COQ8B: variants seen among roughly 807,000 people sequenced by gnomAD.
COQ8B encodes atypical kinase COQ8B, mitochondrial.
In COQ8B, 44 loss-of-function variants were observed where a neutral mutation model predicts 62.0. The observed-to-expected ratio is 0.71, with a 90% CI of 0.56 to 0.91. COQ8B has a LOEUF of 0.91. Among genes scored for constraint, COQ8B ranks in the 40% least tolerant of loss-of-function variants. The probability of loss-of-function intolerance (pLI) is 0.00; values close to 1 mark genes in which losing one functional copy is unlikely to be tolerated. For missense variants in COQ8B, 649 were observed against 731.6 expected, an observed-to-expected ratio of 0.89 and a Z score of 1.30; for synonymous variants, 252 against 289.9, an observed-to-expected ratio of 0.87 and a Z score of 1.33.
intron 14 of COQ8B, among the ~76,000 whole-genome samples, chr19:40,692,734 C>T (rs2081983583): frequency 6.6e-6 from 1 of 151,966 alleles, no homozygotes. Flanking sequence ...CCAAAGCCCC[C>T]AGCATGGATA....
intron 4 of COQ8B, among the ~76,000 whole-genome samples, chr19:40,710,499 C>A (rs1314245622): frequency 2.0e-5 from 3 of 152,300 alleles, no homozygotes; most frequent in Non-Finnish European, 4.4e-5. Context: ...ATCCTCCCGC[C>A]TCGGCCTCCC....
intron 4 of COQ8B, among the ~76,000 whole-genome samples, chr19:40,713,639 G>T (rs2082159818): frequency 6.8e-6 from 1 of 148,010 alleles, no homozygotes; most frequent in African/African-American, 2.6e-5. Context: ...TTGCTTGAAT[G>T]TAGGAGGCAG....
Position 40,703,795 on chromosome 19 carries a change from C to A in COQ8B, c.637G>T (p.Val213Leu), listed in dbSNP as rs2082080229. 3 of 1,614,088 alleles carry A rather than the reference C, an allele frequency of 1.9e-6. No individual in the cohort carries two copies. The highest frequency in any genetic ancestry group is 2.5e-6 in the Non-Finnish European group (3 of 1,180,010). The part of the protein sequence containing the change: ...WQAKVASLEE[V>L]PFAAASIGQV... ...CCAATTGAGGCAGCGGCAAAGGGCA[C>A]CTCCTCCAAGGAGGCCACCTTGGCC... Residue 213 changes from valine (V) to leucine (L), a missense_variant, in exon 8 of 15, where the codon GTG (valine) becomes TTG (leucine). By Grantham distance (32) the Val-to-Leu change is conservative. Coordinates refer to ENST00000324464, the MANE Select transcript of COQ8B (RefSeq NM_024876.4).
At chr19:40,700,603 G>T in intron 10 of COQ8B, 152 bp from the exon 11 acceptor site, 1 of 917,402 alleles carries the variant, frequency 1.1e-6, no homozygotes, top group Non-Finnish European at 1.6e-6. Context: ...TGCCCTGGGT[G>T]ATGACCAACA....
chr19:40,715,270 G>A, intron 1 of COQ8B: 1 of 986,094 alleles, frequency 1.0e-6, no homozygotes, highest in Non-Finnish European at 1.2e-6. Context: ...CCATCTGGGG[G>A]GATTGCTGAG....
intron 14 of COQ8B, 93 bp from the exon 15 acceptor site, chr19:40,692,466 C>T: frequency 9.3e-7 from 1 of 1,074,998 alleles, no homozygotes; most frequent in Non-Finnish European, 1.3e-6. Context: ...TCCACTCCCT[C>T]CAGTCTCCAC....
Position 40,699,093 on chromosome 19 carries a change from C to A in COQ8B, c.1143+974G>T, listed in dbSNP as rs147983111. ...CATCCCAAAGTGCTGGAATTACAGG[C>A]ATGAGCCACCATGCTCAGCCTCTGG... On this transcript the variant is annotated intron_variant, in intron 12 of 14. Transcript: ENST00000324464. 4.8e-3 allele frequency among the ~76,000 whole-genome samples: 736 copies of A among 151,796 alleles called. 4 individuals carry two copies. Among genetic ancestry groups the A allele is most frequent in the African/African-American group, 0.017 (715 of 41,412 alleles).
intron 7 of COQ8B, 121 bp from the exon 8 acceptor site, chr19:40,703,976 G>T: frequency 7.7e-7 from 1 of 1,290,442 alleles, no homozygotes; most frequent in Non-Finnish European, 1.0e-6. Context: ...GCTCTTGGCT[G>T]CCACCCCCTT....
intron 5 of COQ8B, among the ~76,000 whole-genome samples, chr19:40,706,725 G>A (rs2082103594): frequency 6.6e-6 from 1 of 152,196 alleles, no homozygotes; most frequent in South Asian, 2.1e-4. Flanking sequence ...TTCCCAAAGT[G>A]TTGGGATTAC....
chr19:40,700,068 T>C lies in COQ8B; in HGVS notation c.1142A>G (p.Gln381Arg). The C allele has an allele frequency of 1.9e-6, 3 of 1,613,964 alleles. No individual in the cohort carries two copies. Among genetic ancestry groups the C allele is most frequent in the Non-Finnish European group, 2.5e-6 (3 of 1,179,796 alleles). Residue 381 changes from glutamine (Q) to arginine (R), a missense_variant and splice_region_variant, in exon 12 of 15, where the codon CAG (glutamine) becomes CGG (arginine). Physicochemically the swap from Gln to Arg is conservative, Grantham distance 43. Coordinates refer to ENST00000324464, the MANE Select transcript of COQ8B (RefSeq NM_024876.4). ...AGACACACATCACTAGGAACCAACC[T>C]GGTGGCTGGAGGCATCATACAGGAA... ...ANFLYDASSH[Q>R]VTLLDFGASR...
rs374651998 is a variant in COQ8B, at chr19:40,715,398, C to T, written c.-3-763G>A. ...TGCAAAGTCTCCCTTACAAACCTGA[C>T]GCCTCTCTTCTGCACGAATATCTTG... On this transcript the variant is annotated intron_variant, in intron 1 of 14. Coordinates refer to ENST00000324464, the MANE Select transcript of COQ8B (RefSeq NM_024876.4). The T allele has an allele frequency of 6.0e-5, 59 of 985,704 alleles. 1 individual carries two copies. Among genetic ancestry groups the T allele is most frequent in the African/African-American group, 5.8e-4 (33 of 57,370 alleles). 61.1% of individuals were successfully genotyped at this position (985,704 alleles called of 1,614,324 possible). A position where few individuals can be genotyped will look rare whatever the true frequency, so the allele number is the denominator to read the frequency against.
rs768321796 is a variant in COQ8B at position 40,693,055 on chromosome 19, A to C, written c.1210-18T>G. The C allele has an allele frequency of 5.6e-6, 9 of 1,610,162 alleles. No individual in the cohort carries two copies. The highest frequency in any genetic ancestry group is 7.6e-6 in the Non-Finnish European group (9 of 1,176,986). ...TTCACCACCTGGGGAGACGGGTGGG[A>C]GTTAGAGGGACAAAGGCCGGGGCTC... On this transcript the variant is annotated intron_variant, in intron 13 of 14. Transcript: ENST00000324464.
Position 40,695,980 on chromosome 19 carries a change from G to C in COQ8B, c.1209+9C>G, listed in dbSNP as rs747900552. The C allele has an allele frequency of 6.2e-7, 1 of 1,614,102 alleles. No homozygotes were observed. Among genetic ancestry groups the C allele is most frequent in the South Asian group, 1.1e-5 (1 of 91,068 alleles). On this transcript the variant is annotated intron_variant, in intron 13 of 14. Coordinates refer to ENST00000324464, the MANE Select transcript of COQ8B (RefSeq NM_024876.4). ...CTTTCAGAGGCCCTGGGGTCTGGGG[G>C]AGACTCACCTCGATGTAATGGTCTG...
intron 10 of COQ8B, 107 bp downstream of exon 10, chr19:40,702,493 G>C: frequency 1.0e-6 from 1 of 985,358 alleles, no homozygotes; most frequent in Non-Finnish European, 1.6e-6. Flanking sequence ...AAGAAAGAGA[G>C]AGTTTGCCCT....
At chr19:40,693,106 G>A in intron 13 of COQ8B, 69 bp from the exon 14 acceptor site, 1 of 1,381,800 alleles carries the variant, frequency 7.2e-7, no homozygotes, top group South Asian at 1.2e-5. Flanking sequence ...AAGAGGAGCT[G>A]GAAGCCTGGG....
chr19:40,696,286 C>G (rs1372761413), intron 12 of COQ8B, among the ~76,000 whole-genome samples: 1 of 151,742 alleles, frequency 6.6e-6, no homozygotes, highest in Non-Finnish European at 1.5e-5. Context: ...AATTTTAGAC[C>G]CAGAAAAAAA....
intron 14 of COQ8B, 46 bp from the exon 15 acceptor site, chr19:40,692,419 T>C (rs368574976): frequency 4.5e-4 from 697 of 1,560,402 alleles, no homozygotes; most frequent in African/African-American, 6.5e-4. Flanking sequence ...AGTGTGGACA[T>C]AGAGCCCTCT....
chr19:40,706,740 G>A (rs886689930), intron 5 of COQ8B, among the ~76,000 whole-genome samples: 5 of 152,192 alleles, frequency 3.3e-5, no homozygotes, highest in Non-Finnish European at 7.3e-5. Flanking sequence ...GATTACAGGC[G>A]TAAGCCACCG....
At chr19:40,697,845 T>TAGAGAGAGAGAGAGAGAGAG (rs1370534076) in intron 12 of COQ8B, among the ~76,000 whole-genome samples, 4 of 52,506 alleles carry the variant, frequency 7.6e-5, no homozygotes, top group African/African-American at 1.8e-4. Context: ...TATATATATA[T>TAGAGAGAGAGAGAGAGAGAG]ATATATAGAG....
Sources: allele counts gnomAD v4.1 joint callset (sites outside exome capture counted in the v4.1 genomes callset), GRCh38; gene constraint gnomAD v4.1.1; transcripts MANE v1.5; gene names NCBI Gene and HGNC (gene_info 2026-07-23, HGNC 2026-07-21).